TIAM1: variants seen among roughly 807,000 people sequenced by gnomAD.
The protein encoded by TIAM1 is rho guanine nucleotide exchange factor TIAM1.
In TIAM1, 65 loss-of-function variants were observed where a neutral mutation model predicts 163.5. The ratio of observed to expected loss-of-function variants is 0.40; its 90% confidence interval spans 0.33 to 0.49. TIAM1 has a LOEUF of 0.49. Among genes scored for constraint, TIAM1 ranks in the 20% least tolerant of loss-of-function variants. TIAM1 has a pLI of 0.77. For synonymous variants in TIAM1, 833 were observed against 810.1 expected, an observed-to-expected ratio of 1.03 and a Z score of -0.48; for missense variants, 1,789 against 2,044.7, an observed-to-expected ratio of 0.87 and a Z score of 2.41.
At chr21:31,354,320 T>C (rs1296548983) in intron 2 of TIAM1, among the ~76,000 whole-genome samples, 1 of 152,146 alleles carries the variant, frequency 6.6e-6, no homozygotes, top group Non-Finnish European at 1.5e-5. Context: ...GGAAGTTAAT[T>C]GTCACTCCGT....
chr21:31,380,530 C>T (rs760214685), intron 2 of TIAM1, among the ~76,000 whole-genome samples: 10 of 151,426 alleles, frequency 6.6e-5, no homozygotes, highest in South Asian at 2.1e-4. Flanking sequence ...GCAACAAGAG[C>T]GAAATTCCAT....
At chr21:31,166,594 G>A (rs1441640862) in intron 15 of TIAM1, among the ~76,000 whole-genome samples, 1 of 152,174 alleles carries the variant, frequency 6.6e-6, no homozygotes, top group Non-Finnish European at 1.5e-5. Flanking sequence ...GTTTCTGTGT[G>A]TTTCCCCACC....
chr21:31,207,058 C>G (rs541331189), intron 11 of TIAM1, among the ~76,000 whole-genome samples: 2 of 152,070 alleles, frequency 1.3e-5, no homozygotes, highest in African/African-American at 4.8e-5. Flanking sequence ...CACAGAATGA[C>G]GTAGTAAAAG....
At chr21:31,356,530 GC>G (rs1350496221) in intron 2 of TIAM1, among the ~76,000 whole-genome samples, 1 of 152,124 alleles carries the variant, frequency 6.6e-6, no homozygotes, top group Non-Finnish European at 1.5e-5. Flanking sequence ...TGAGATCGGA[GC>G]CCCCAGGATT....
At chr21:31,449,613 G>C (rs1157115178) in intron 2 of TIAM1, among the ~76,000 whole-genome samples, 2 of 152,042 alleles carry the variant, frequency 1.3e-5, no homozygotes, top group Middle Eastern at 6.9e-3. Flanking sequence ...CCTGACCTCA[G>C]ATGATCTGCC....
intron 11 of TIAM1, among the ~76,000 whole-genome samples, chr21:31,206,753 G>C (rs549767568): frequency 6.6e-6 from 1 of 152,172 alleles, no homozygotes; most frequent in Non-Finnish European, 1.5e-5. Flanking sequence ...TCAGTAAATA[G>C]TTTGCACCAA....
intron 1 of TIAM1, among the ~76,000 whole-genome samples, chr21:31,476,154 T>C (rs1477265702): frequency 6.6e-6 from 1 of 152,232 alleles, no homozygotes; most frequent in Non-Finnish European, 1.5e-5. Flanking sequence ...CGATTTATTT[T>C]TGTTGATTAA....
At chr21:31,219,012 G>C (rs1281844382) in intron 8 of TIAM1, among the ~76,000 whole-genome samples, 1 of 143,392 alleles carries the variant, frequency 7.0e-6, no homozygotes, top group Non-Finnish European at 1.5e-5. Flanking sequence ...CAGCAACCCA[G>C]AGAAGCATTT....
At chr21:31,436,884 G>A (rs767513839) in intron 2 of TIAM1, among the ~76,000 whole-genome samples, 1 of 152,026 alleles carries the variant, frequency 6.6e-6, no homozygotes, top group Non-Finnish European at 1.5e-5. Flanking sequence ...CTTGCACCCA[G>A]GAGGTGGAGG....
At chr21:31,412,906 T>G (rs1323560236) in intron 2 of TIAM1, among the ~76,000 whole-genome samples, 1 of 150,858 alleles carries the variant, frequency 6.6e-6, no homozygotes, top group African/African-American at 2.4e-5. Context: ...GAGGCAGAGC[T>G]CAGGTGGTAA....
chr21:31,253,335 G>A (rs2071919574), intron 4 of TIAM1, among the ~76,000 whole-genome samples: 1 of 152,140 alleles, frequency 6.6e-6, no homozygotes, highest in Admixed American at 6.5e-5. Context: ...GGCTCATTCT[G>A]GTTCAAACAC....
intron 2 of TIAM1, among the ~76,000 whole-genome samples, chr21:31,394,728 T>TCACACA (rs71318270): frequency 0.012 from 1,189 of 95,702 alleles, 22 homozygotes; most frequent in East Asian, 0.036. Context: ...TCTCTCTCTC[T>TCACACA]CACACACACA....
intron 2 of TIAM1, among the ~76,000 whole-genome samples, chr21:31,297,000 T>C (rs1288331217): frequency 6.6e-6 from 1 of 152,180 alleles, no homozygotes; most frequent in Non-Finnish European, 1.5e-5. Context: ...CAAAGGCATA[T>C]CCTTGACATC....
rs140367978 is a variant in TIAM1, at chr21:31,473,291, G to A, written c.-421-9256C>T. Among the ~76,000 whole-genome samples, 601 of 151,982 alleles carry A rather than the reference G, an allele frequency of 4.0e-3. 4 individuals are homozygous for A. Among genetic ancestry groups the A allele is most frequent in the African/African-American group, 0.013 (557 of 41,468 alleles). On this transcript the variant is annotated intron_variant, in intron 1 of 28. Coordinates refer to the TIAM1 transcript ENST00000286827. ...AAAAAATACAAAAAATTAGCTGGGC[G>A]TGGTGGCGGGTGCCTGTAGTCCCAG...
In TIAM1 at chr21:31,252,049, G is replaced by A. The variant is rs1204210677; in HGVS notation, c.1104C>T (p.Ser368=). The change falls in exon 5 of 28, where the codon AGC becomes AGT. Residue 368 remains serine (S), a synonymous_variant. Coordinates refer to ENST00000541036, the MANE Select transcript of TIAM1 (RefSeq NM_001353694.2). ...SPTTGRAFVG[S]DSGSSSTGDA... ...CCCCGGTGGAGCTGCTGCCGCTGTC[G>A]CTGCCCACAAAGGCCCGGCCTGTGG... 7 of 1,613,996 alleles carry A rather than the reference G, an allele frequency of 4.3e-6. No individual in the cohort carries two copies. The highest frequency in any genetic ancestry group is 2.2e-5 in the South Asian group (2 of 91,080).
At chr21:31,544,273 C>T (rs1472896628) in intron 1 of TIAM1, among the ~76,000 whole-genome samples, 1 of 151,060 alleles carries the variant, frequency 6.6e-6, no homozygotes, top group Non-Finnish European at 1.5e-5. Flanking sequence ...GTAATCCCAG[C>T]ACTTTGGGAG....
intron 26 of TIAM1, among the ~76,000 whole-genome samples, chr21:31,126,516 G>A (rs1325341952): frequency 6.6e-6 from 1 of 151,932 alleles, no homozygotes; most frequent in Non-Finnish European, 1.5e-5. Flanking sequence ...GCAGTGAGCC[G>A]AGATCATGCC....
intron 12 of TIAM1, among the ~76,000 whole-genome samples, chr21:31,198,252 G>A (rs949364302): frequency 2.2e-4 from 34 of 152,122 alleles, no homozygotes; most frequent in Admixed American, 1.6e-3. Flanking sequence ...TTATTTGCTT[G>A]GGGCATTTGA....
At chr21:31,198,003 T>C (rs1416928492) in intron 12 of TIAM1, among the ~76,000 whole-genome samples, 1 of 152,174 alleles carries the variant, frequency 6.6e-6, no homozygotes, top group Non-Finnish European at 1.5e-5. Flanking sequence ...CCAAAATTTA[T>C]AATAAAAACT....
Sources: allele counts gnomAD v4.1 joint callset (sites outside exome capture counted in the v4.1 genomes callset), GRCh38; gene constraint gnomAD v4.1.1; transcripts MANE v1.5; gene names NCBI Gene and HGNC (gene_info 2026-07-23, HGNC 2026-07-21).